The following UGGT1 variants were observed in gnomAD, a reference collection of about 807,000 sequenced individuals.
UGGT1 encodes UDP-glucose glycoprotein glucosyltransferase 1, also known as UDP-glucose:glycoprotein glucosyltransferase 1.
A neutral mutation model predicts 203.9 loss-of-function variants in UGGT1; 107 were observed. That is an observed-to-expected ratio of 0.52 (90% CI 0.45 to 0.62). The LOEUF is 0.62. UGGT1 is among the 20% of genes least tolerant of loss of function. The pLI is 0.00. For missense variants in UGGT1, 1,673 were observed against 1,867.2 expected (o/e 0.90, Z 1.92); for synonymous variants, 628 against 653.5 (o/e 0.96, Z 0.59).
intron 22 of UGGT1, 64 bp downstream of exon 22, chr2:128,157,410 C>A: frequency 1.5e-6 from 2 of 1,364,490 alleles, no homozygotes; most frequent in Non-Finnish European, 2.1e-6. Flanking sequence ...ATGGGCTTCG[C>A]TGTGCGGCTA....
chr2:128,171,034 A>T (rs1573612486), intron 27 of UGGT1, among the ~76,000 whole-genome samples, 171 bp from the exon 28 acceptor site: 1 of 152,170 alleles, frequency 6.6e-6, no homozygotes. Context: ...CGTCCTATGT[A>T]TGTGTGATGT....
intron 5 of UGGT1, among the ~76,000 whole-genome samples, chr2:128,111,926 G>T (rs936004507): frequency 6.6e-6 from 1 of 150,966 alleles, no homozygotes; most frequent in Non-Finnish European, 1.5e-5. Flanking sequence ...GATCGCTTGA[G>T]TCAGGAGTTT....
intron 10 of UGGT1, 38 bp downstream of exon 10, chr2:128,121,336 C>A: frequency 1.4e-6 from 2 of 1,437,338 alleles, no homozygotes; most frequent in Non-Finnish European, 1.9e-6. Flanking sequence ...AACATCATAC[C>A]CAGTCATCGT....
intron 17 of UGGT1, 107 bp from the exon 18 acceptor site, chr2:128,145,696 A>G: frequency 2.0e-6 from 2 of 998,242 alleles, no homozygotes; most frequent in Non-Finnish European, 2.8e-6. Flanking sequence ...TCTTTACAAT[A>G]TTTCTATTGA....
intron 16 of UGGT1, among the ~76,000 whole-genome samples, chr2:128,141,188 G>C (rs953289130): frequency 6.6e-6 from 1 of 152,072 alleles, no homozygotes; most frequent in Non-Finnish European, 1.5e-5. Flanking sequence ...GCCATGTGTG[G>C]TGGCTCATGC....
rs1181567317 is a variant in UGGT1, at chr2:128,162,216, G to GT, written c.2825+960dup. Reference sequence around the variant, plus strand: ...AAGTCTTTTGCCCATTTTTAATTGCGTTTTTTTTTTTTGTCGTTGAGATGT... The same window carrying GT: ...AAGTCTTTTGCCCATTTTTAATTGCGTTTTTTTTTTTTTGTCGTTGAGATGT... On this transcript the variant is annotated intron_variant, in intron 25 of 40. Coordinates refer to ENST00000259253, the MANE Select transcript of UGGT1 (RefSeq NM_020120.4). Among the ~76,000 whole-genome samples, 1,129 of 138,742 alleles carry GT rather than the reference G, an allele frequency of 8.1e-3. 4 individuals are homozygous for GT. Among genetic ancestry groups the GT allele is most frequent in the African/African-American group, 0.014 (543 of 38,002 alleles). 91.0% of individuals were successfully genotyped at this position (138,742 alleles called of 152,430 possible). A position where few individuals can be genotyped will look rare whatever the true frequency, so the allele number is the denominator to read the frequency against.
chr2:128,188,506 G>A (rs1378431641), intron 40 of UGGT1, among the ~76,000 whole-genome samples: 1 of 152,118 alleles, frequency 6.6e-6, no homozygotes, highest in Non-Finnish European at 1.5e-5. Flanking sequence ...ATATTAATAA[G>A]TTGGGCTCTA....
intron 5 of UGGT1, among the ~76,000 whole-genome samples, chr2:128,111,774 C>T (rs1398346659): frequency 1.3e-5 from 2 of 151,708 alleles, no homozygotes; most frequent in East Asian, 2.0e-4. Flanking sequence ...GGATTACAGG[C>T]GTGAGCCACC....
intron 39 of UGGT1, 125 bp downstream of exon 39, chr2:128,186,924 G>C: frequency 1.4e-6 from 1 of 708,546 alleles, no homozygotes; most frequent in Non-Finnish European, 2.3e-6. Context: ...GACTTTCTCT[G>C]TAATTGTGTA....
intron 30 of UGGT1, among the ~76,000 whole-genome samples, chr2:128,174,170 AATAG>A (rs1691254867): frequency 6.6e-6 from 1 of 152,192 alleles, no homozygotes; most frequent in African/African-American, 2.4e-5. Context: ...GCCCCCTGAA[AATAG>A]ATTGCTCATG....
chr2:128,139,569 G>A (rs76499713), intron 16 of UGGT1, among the ~76,000 whole-genome samples: 1 of 152,210 alleles, frequency 6.6e-6, no homozygotes, highest in Non-Finnish European at 1.5e-5. Flanking sequence ...CCAGCACTCA[G>A]CAGGGAAAGC....
Position 128,194,026 on chromosome 2 carries a change from TC to T in UGGT1, c.*4285del, listed in dbSNP as rs1436788394. 3 of 152,192 alleles carry T rather than the reference TC, an allele frequency of 2.0e-5. No homozygotes were observed. The highest frequency in any genetic ancestry group is 6.5e-5 in the Admixed American group (1 of 15,284). The allele number at this position is 152,192 out of a possible 1,614,324, so 9.4% of individuals were successfully genotyped here. On this transcript the variant is annotated 3_prime_UTR_variant, in exon 41 of 41. Transcript: ENST00000259253. ...GTAAAGCTACCTGATGGAAGCTTTC[TC>T]TTGGTAACAAAAATGGAGGGTGTAT...
In UGGT1 at chr2:128,161,119, G is replaced by C. The variant is rs753794133; in HGVS notation, c.2695-19G>C. ...GGCAGCCTTCCAGAGCTAAGCGCCT[G>C]CTCTTCTCTCCTTCACAGATCATTG... On this transcript the variant is annotated intron_variant, in intron 24 of 40. Coordinates refer to ENST00000259253, the MANE Select transcript of UGGT1 (RefSeq NM_020120.4). The C allele has an allele frequency of 6.8e-6, 11 of 1,612,804 alleles. 1 individual carries two copies. In the South Asian group the frequency reaches 9.9e-5, roughly 15 times the overall value.
chr2:128,190,034 A>G lies in UGGT1; in HGVS notation c.*292A>G. ...GGAATGGCAGCAGCAACTGGAAGAA[A>G]ATGAGTTTTTTGGTGCCCACACCCA... On this transcript the variant is annotated 3_prime_UTR_variant, in exon 41 of 41. Transcript: ENST00000259253. 1 of 322,672 alleles carries G rather than the reference A, an allele frequency of 3.1e-6. No homozygotes were observed. Among genetic ancestry groups the G allele is most frequent in the South Asian group, 6.7e-5 (1 of 14,940 alleles). 20.0% of individuals were successfully genotyped at this position (322,672 alleles called of 1,614,324 possible).
chr2:128,121,066 A>G, intron 9 of UGGT1, 133 bp from the exon 10 acceptor site: 1 of 787,640 alleles, frequency 1.3e-6, no homozygotes, highest in Non-Finnish European at 2.1e-6. Flanking sequence ...AATCATGGGC[A>G]CTCTCTGGAA....
intron 22 of UGGT1, among the ~76,000 whole-genome samples, chr2:128,159,071 TGAG>T (rs1438701652): frequency 2.0e-5 from 3 of 149,934 alleles, no homozygotes; most frequent in East Asian, 2.0e-4. Context: ...TTATTTTGAA[TGAG>T]GAGGAGAACT....
chr2:128,154,771 T>C (rs1690146969), intron 19 of UGGT1, among the ~76,000 whole-genome samples: 1 of 152,186 alleles, frequency 6.6e-6, no homozygotes, highest in Non-Finnish European at 1.5e-5. Context: ...AAGCTGTGTC[T>C]GACAGACTGT....
intron 28 of UGGT1, 87 bp downstream of exon 28, chr2:128,171,371 A>T: frequency 8.3e-7 from 1 of 1,205,590 alleles, no homozygotes; most frequent in Non-Finnish European, 1.2e-6. Context: ...AGATGGATTT[A>T]TAGGTGGACA....
chr2:128,174,831 G>C lies in UGGT1; in HGVS notation c.3512G>C (p.Arg1171Pro). Reference sequence around the variant, plus strand: ...TGGATCCTCAGACTTAGGAAGGGACGCTCTGAAGATATTTATAGAATTTAC... The same window carrying C: ...TGGATCCTCAGACTTAGGAAGGGACCCTCTGAAGATATTTATAGAATTTAC... ...GAWILRLRKG[R>P]SEDIYRIYSH... is the part of the protein sequence containing the mutation. The change falls in exon 31 of 41, where the codon CGC (arginine) becomes CCC (proline). Residue 1171 changes from arginine to proline, a missense_variant. By Grantham distance (103) the Arg-to-Pro change is moderately radical (BLOSUM62 -2). Coordinates refer to ENST00000259253, the MANE Select transcript of UGGT1 (RefSeq NM_020120.4). The C allele has an allele frequency of 1.9e-6, 3 of 1,613,290 alleles. No homozygotes were observed. The African/African-American group carries it at 4.0e-5, about 22-fold the overall frequency.
Sources: allele counts gnomAD v4.1 joint callset (sites outside exome capture counted in the v4.1 genomes callset), GRCh38; gene constraint gnomAD v4.1.1; transcripts MANE v1.5; gene names NCBI Gene and HGNC (gene_info 2026-07-23, HGNC 2026-07-21).